BAZ2B: variants seen among roughly 807,000 people sequenced by gnomAD.
The protein encoded by BAZ2B is bromodomain adjacent to zinc finger domain 2B.
BAZ2B carries 91 observed loss-of-function variants against 246.0 expected under a neutral mutation model. The observed-to-expected ratio is 0.37, with a 90% CI of 0.31 to 0.44. The LOEUF (loss-of-function observed/expected upper bound fraction) is 0.44, where lower values mean the gene tolerates loss of function less well. Ranked by LOEUF, BAZ2B falls within the 20% of genes least tolerant of loss-of-function variation. BAZ2B has a pLI of 1.00. For missense variants in BAZ2B, 2,332 were observed against 2,533.7 expected, an observed-to-expected ratio of 0.92 and a Z score of 1.71; for synonymous variants, 855 against 860.0, an observed-to-expected ratio of 0.99 and a Z score of 0.10.
At chr2:159,599,320 T>C (rs1691513815) in intron 1 of BAZ2B, among the ~76,000 whole-genome samples, 1 of 151,774 alleles carries the variant, frequency 6.6e-6, no homozygotes. Flanking sequence ...CACACAAACT[T>C]AAGAAATCTG....
intron 25 of BAZ2B, among the ~76,000 whole-genome samples, chr2:159,375,469 G>C (rs2061324374): frequency 6.6e-6 from 1 of 152,182 alleles, no homozygotes; most frequent in South Asian, 2.1e-4. Context: ...TAAGGTAGGA[G>C]ATGAGGCAAG....
At chr2:159,661,778 CTT>C in the BAZ2B span, among the ~76,000 whole-genome samples, 7 of 148,338 alleles carry the variant, frequency 4.7e-5, no homozygotes, top group African/African-American at 4.9e-5. Context: ...AAACCATCAT[CTT>C]TTTTTTTTTT....
chr2:159,562,116 C>T (rs1190420156), intron 1 of BAZ2B, among the ~76,000 whole-genome samples: 3 of 152,070 alleles, frequency 2.0e-5, no homozygotes, highest in East Asian at 1.9e-4. Context: ...ATAATTACAC[C>T]ATCCTTTCTG....
At chr2:159,430,664 A>C (rs1156783654) in intron 10 of BAZ2B, among the ~76,000 whole-genome samples, 199 bp downstream of exon 10, 1 of 152,182 alleles carries the variant, frequency 6.6e-6, no homozygotes, top group African/African-American at 2.4e-5. Context: ...CAGATCCTTA[A>C]ACTGGAAACT....
chr2:159,493,660 A>G (rs574911763), intron 2 of BAZ2B, among the ~76,000 whole-genome samples: 1 of 152,346 alleles, frequency 6.6e-6, no homozygotes, highest in African/African-American at 2.4e-5. Flanking sequence ...GGTGGAGTTT[A>G]GCTTATTTAT....
chr2:159,354,442 C>T (rs2058875535), intron 27 of BAZ2B, among the ~76,000 whole-genome samples: 1 of 152,068 alleles, frequency 6.6e-6, no homozygotes, highest in Non-Finnish European at 1.5e-5. Context: ...CCTCCACCTC[C>T]CAGGTTCAAC....
At chr2:159,634,219 ATCTT>A in the BAZ2B span, among the ~76,000 whole-genome samples, 1 of 152,202 alleles carries the variant, frequency 6.6e-6, no homozygotes, top group Non-Finnish European at 1.5e-5. Context: ...CGTAATGGTG[ATCTT>A]TCTTGTTCTA....
intron 8 of BAZ2B, chr2:159,435,300 T>C (rs191293358): frequency 6.6e-6 from 1 of 151,140 alleles, no homozygotes; most frequent in African/African-American, 2.4e-5. Context: ...CTGCCTCAGA[T>C]TCCTGAGTAG....
chr2:159,613,330 A>G (rs983747253), intron 1 of BAZ2B, among the ~76,000 whole-genome samples: 8 of 152,070 alleles, frequency 5.3e-5, no homozygotes. Flanking sequence ...ACATGTGAGA[A>G]CAGTGAAGCT....
At chr2:159,436,110 T>C (rs1401849588) in intron 8 of BAZ2B, among the ~76,000 whole-genome samples, 2 of 152,208 alleles carry the variant, frequency 1.3e-5, no homozygotes, top group African/African-American at 4.8e-5. Context: ...TAGTGTGTTT[T>C]CGTTTGTTAG....
rs146868483 is a variant in BAZ2B at position 159,509,175 on chromosome 2, T to C, written c.-2-30454A>G. ...ATTAACATATATCAAAGAAAATAAATTGACTAAAAAGAATATATTGGAAAC... is the reference window on the plus strand; with the variant it reads ...ATTAACATATATCAAAGAAAATAAACTGACTAAAAAGAATATATTGGAAAC... On this transcript the variant is annotated intron_variant, in intron 2 of 36. Transcript: ENST00000392783. 6.7e-3 allele frequency among the ~76,000 whole-genome samples: 1,013 copies of C among 152,236 alleles called. 8 individuals are homozygous for C. Among genetic ancestry groups the C allele is most frequent in the African/African-American group, 0.023 (968 of 41,562 alleles).
chr2:159,373,980 C>G (rs144293185), intron 26 of BAZ2B, among the ~76,000 whole-genome samples: 2 of 151,984 alleles, frequency 1.3e-5, no homozygotes, highest in Non-Finnish European at 2.9e-5. Context: ...ACACAGGCAT[C>G]TCGTAATACC....
chr2:159,397,853 CA>C (rs975438785), intron 18 of BAZ2B, among the ~76,000 whole-genome samples: 6 of 62,714 alleles, frequency 9.6e-5, no homozygotes, highest in African/African-American at 1.4e-4. Flanking sequence ...TAATTAACAT[CA>C]TTTTTTTTTC....
At chr2:159,628,890 G>A in the BAZ2B span, among the ~76,000 whole-genome samples, 1 of 152,158 alleles carries the variant, frequency 6.6e-6, no homozygotes, top group Non-Finnish European at 1.5e-5. Context: ...GAAACCTACA[G>A]AATGGGAGAA....
Position 159,611,138 on chromosome 2 carries a change from C to T in BAZ2B, c.-46+5104G>A, listed in dbSNP as rs566196859. On this transcript the variant is annotated intron_variant, in intron 1 of 36. Transcript: ENST00000392783. The stretch of plus-strand genomic sequence containing the variant: ...ATCAAAGTTTGAACTTTTAAAATGA[C>T]CTTTCTATTGAGAATTACCTTCCTT... 2.6e-5 allele frequency among the ~76,000 whole-genome samples: 4 copies of T among 151,972 alleles called. No individual in the cohort carries two copies. The East Asian group carries it at 7.7e-4, about 29-fold the overall frequency.
At chr2:159,358,290 CA>C (rs1385208790) in intron 27 of BAZ2B, among the ~76,000 whole-genome samples, 1 of 151,988 alleles carries the variant, frequency 6.6e-6, no homozygotes, top group Non-Finnish European at 1.5e-5. Flanking sequence ...AAATGGAAAG[CA>C]AAAACAGAAG....
chr2:159,497,453 G>C (rs1391975936), intron 2 of BAZ2B, among the ~76,000 whole-genome samples: 1 of 152,158 alleles, frequency 6.6e-6, no homozygotes, highest in Non-Finnish European at 1.5e-5. Context: ...GGAAATCCTT[G>C]TCTCTTAACA....
intron 4 of BAZ2B, among the ~76,000 whole-genome samples, chr2:159,449,515 G>T (rs1273872484): frequency 6.6e-6 from 1 of 152,052 alleles, no homozygotes; most frequent in Non-Finnish European, 1.5e-5. Context: ...AATGTAAAAT[G>T]GTATGCACCT....
At chr2:159,466,567 T>C (rs1314679806) in intron 3 of BAZ2B, among the ~76,000 whole-genome samples, 1 of 152,208 alleles carries the variant, frequency 6.6e-6, no homozygotes, top group African/African-American at 2.4e-5. Context: ...AGCAATTACC[T>C]AGAGACTATA....
Sources: gnomAD v4.1 joint callset for allele counts (sites outside exome capture counted in the v4.1 genomes callset) on GRCh38, gnomAD v4.1.1 for gene constraint, MANE v1.5 for transcripts, NCBI Gene and HGNC (gene_info 2026-07-23, HGNC 2026-07-21) for gene names.